The following ST8SIA4 variants were observed in gnomAD, a reference collection of about 807,000 sequenced individuals.
The protein encoded by ST8SIA4 is CMP-N-acetylneuraminate-poly-alpha-2,8-sialyltransferase.
Under a neutral mutation model 33.9 loss-of-function variants are expected in ST8SIA4, and 15 were observed. The observed-to-expected ratio is 0.44, with a 90% CI of 0.30 to 0.68. The LOEUF is 0.68. ST8SIA4 is among the 30% of genes least tolerant of loss of function. The pLI, the probability that ST8SIA4 is intolerant of heterozygous loss-of-function variation, is 0.10. For synonymous variants in ST8SIA4, 171 were observed against 151.2 expected, an observed-to-expected ratio of 1.13 and a Z score of -0.96; for missense variants, 321 against 428.0, an observed-to-expected ratio of 0.75 and a Z score of 2.21.
At chr5:100,855,837 C>A (rs1026792693) in intron 4 of ST8SIA4, among the ~76,000 whole-genome samples, 1 of 152,038 alleles carries the variant, frequency 6.6e-6, no homozygotes, top group African/African-American at 2.4e-5. Flanking sequence ...CTTTTTAGTG[C>A]AAAAATATAA....
chr5:100,831,168 CAT>C (rs1337456338), intron 4 of ST8SIA4, among the ~76,000 whole-genome samples: 1 of 152,142 alleles, frequency 6.6e-6, no homozygotes, highest in Non-Finnish European at 1.5e-5. Context: ...TTTCTTTTCT[CAT>C]TATTGCTTCT....
chr5:100,878,032 T>G (rs1029369967), intron 3 of ST8SIA4, among the ~76,000 whole-genome samples: 7 of 152,116 alleles, frequency 4.6e-5, no homozygotes, highest in South Asian at 2.1e-4. Flanking sequence ...GAGAGTTTGG[T>G]TCATCATTAA....
intron 4 of ST8SIA4, among the ~76,000 whole-genome samples, chr5:100,813,498 G>T (rs1268118402): frequency 6.6e-6 from 1 of 151,884 alleles, no homozygotes; most frequent in Non-Finnish European, 1.5e-5. Flanking sequence ...CAGTAAAGAC[G>T]ATTTTATAAG....
intron 2 of ST8SIA4, among the ~76,000 whole-genome samples, chr5:100,890,064 G>T (rs1169915396): frequency 1.3e-5 from 2 of 151,722 alleles, no homozygotes; most frequent in African/African-American, 2.4e-5. Flanking sequence ...TTCTGTTTTA[G>T]GTCTTCTACG....
chr5:100,808,263 A>G lies in ST8SIA4; in HGVS notation c.*3584T>C, dbSNP rs1449436650. The G allele has an allele frequency of 6.6e-6, 1 of 152,664 alleles. No individual in the cohort carries two copies. The highest frequency in any genetic ancestry group is 1.5e-5 in the Non-Finnish European group (1 of 68,024). 9.5% of individuals were successfully genotyped at this position (152,664 alleles called of 1,614,324 possible). Reference sequence around the variant, plus strand: ...AAATAAATTGCTTTTGTAAGCATATATGTAGAAATTCCCATTAGTAATTGA... The same window carrying G: ...AAATAAATTGCTTTTGTAAGCATATGTGTAGAAATTCCCATTAGTAATTGA... On this transcript the variant is annotated 3_prime_UTR_variant, in exon 5 of 5. Coordinates refer to ENST00000231461, the MANE Select transcript of ST8SIA4 (RefSeq NM_005668.6).
At chr5:100,899,703 T>C (rs1252213564) in intron 1 of ST8SIA4, among the ~76,000 whole-genome samples, 1 of 152,196 alleles carries the variant, frequency 6.6e-6, no homozygotes, top group Non-Finnish European at 1.5e-5. Flanking sequence ...ATATATTATC[T>C]CATTAAATGA....
intron 4 of ST8SIA4, among the ~76,000 whole-genome samples, chr5:100,825,176 C>T (rs1751114527): frequency 6.6e-6 from 1 of 152,048 alleles, no homozygotes; most frequent in Non-Finnish European, 1.5e-5. Context: ...ATAATAAATA[C>T]AGTTGTTTTG....
At chr5:100,845,953 T>C (rs1751560832) in intron 4 of ST8SIA4, among the ~76,000 whole-genome samples, 1 of 152,164 alleles carries the variant, frequency 6.6e-6, no homozygotes, top group South Asian at 2.1e-4. Context: ...GCCTCATTAT[T>C]ATGATTCATC....
At position 100,817,109 on chromosome 5, in the gene ST8SIA4, A is replaced by ATTTTTTT. The variant is rs57222657; in HGVS notation, c.798-4987_798-4981dup. Among the ~76,000 whole-genome samples, 85 of 74,364 alleles carry ATTTTTTT rather than the reference A, an allele frequency of 1.1e-3. 3 individuals are homozygous for ATTTTTTT. The highest frequency in any genetic ancestry group is 1.9e-3 in the East Asian group (4 of 2,136). The allele number at this position is 74,364 out of a possible 152,430, so 48.8% of individuals were successfully genotyped here. ...AGGCGCCCACTACAACACCCAGCTA[A>ATTTTTTT]TTTTTTTTTTTTTTTTTTTTTTTTT... is the stretch of plus-strand genomic sequence containing the variant. On this transcript the variant is annotated intron_variant, in intron 4 of 4. Coordinates refer to ENST00000231461, the MANE Select transcript of ST8SIA4 (RefSeq NM_005668.6).
intron 3 of ST8SIA4, 167 bp downstream of exon 3, chr5:100,886,176 A>T: frequency 7.1e-7 from 1 of 1,417,168 alleles, no homozygotes; most frequent in Non-Finnish European, 9.2e-7. Context: ...TAATTATAAT[A>T]TTCTATTCCA....
At chr5:100,887,794 T>C (rs1378282045) in intron 2 of ST8SIA4, among the ~76,000 whole-genome samples, 3 of 152,046 alleles carry the variant, frequency 2.0e-5, no homozygotes, top group Non-Finnish European at 4.4e-5. Flanking sequence ...AGTTTCTCCT[T>C]TTAGTAAGGC....
intron 3 of ST8SIA4, chr5:100,886,094 C>A (rs1212856739): frequency 7.9e-6 from 10 of 1,266,546 alleles, no homozygotes; most frequent in South Asian, 6.3e-5. Context: ...TTGCCTCCCC[C>A]CTCACCTCAC....
At chr5:100,857,095 A>G (rs1423496085) in intron 3 of ST8SIA4, among the ~76,000 whole-genome samples, 1 of 152,136 alleles carries the variant, frequency 6.6e-6, no homozygotes, top group Non-Finnish European at 1.5e-5. Flanking sequence ...TCCTCAAAAT[A>G]TCTGTTTTCC....
intron 4 of ST8SIA4, among the ~76,000 whole-genome samples, chr5:100,822,545 G>T (rs893216570): frequency 9.8e-5 from 15 of 152,290 alleles, no homozygotes; most frequent in African/African-American, 3.1e-4. Flanking sequence ...AATGCTAAAA[G>T]AATTGAATGA....
intron 4 of ST8SIA4, among the ~76,000 whole-genome samples, chr5:100,846,654 A>G (rs757514330): frequency 2.4e-4 from 37 of 152,002 alleles, no homozygotes; most frequent in Non-Finnish European, 5.0e-4. Context: ...ATCTATGTGA[A>G]GAAGAGAGAA....
intron 3 of ST8SIA4, among the ~76,000 whole-genome samples, chr5:100,883,312 T>G (rs1209862581): frequency 6.6e-6 from 1 of 152,164 alleles, no homozygotes; most frequent in Non-Finnish European, 1.5e-5. Flanking sequence ...CCCTGTAACC[T>G]TTTTGTTTTG....
At chr5:100,897,810 A>G (rs1752813475) in intron 1 of ST8SIA4, among the ~76,000 whole-genome samples, 1 of 152,230 alleles carries the variant, frequency 6.6e-6, no homozygotes, top group African/African-American at 2.4e-5. Flanking sequence ...ATGCCTATGC[A>G]TGGCAAATAA....
At chr5:100,831,336 A>C (rs1405020188) in intron 4 of ST8SIA4, among the ~76,000 whole-genome samples, 1 of 152,182 alleles carries the variant, frequency 6.6e-6, no homozygotes, top group Non-Finnish European at 1.5e-5. Context: ...ACTGAACCAC[A>C]AAAGGACTGT....
In ST8SIA4 at chr5:100,810,099, A is replaced by G. The variant is rs1561380443; in HGVS notation, c.*1748T>C. The G allele has an allele frequency of 6.6e-6, 1 of 152,224 alleles. No individual in the cohort carries two copies. Among genetic ancestry groups the G allele is most frequent in the Non-Finnish European group, 1.5e-5 (1 of 68,018 alleles). The allele number at this position is 152,224 out of a possible 1,614,324, so 9.4% of individuals were successfully genotyped here. ...CCAAGAAATAAGAAATCAAAGTACA[A>G]GTGAGAATGCAGAGCTTCTGCCCAG... On this transcript the variant is annotated 3_prime_UTR_variant, in exon 5 of 5. Transcript: ENST00000231461.
Sources: gnomAD v4.1 joint callset for allele counts (sites outside exome capture counted in the v4.1 genomes callset) on GRCh38, gnomAD v4.1.1 for gene constraint, MANE v1.5 for transcripts, NCBI Gene and HGNC (gene_info 2026-07-23, HGNC 2026-07-21) for gene names.